Variants in CNTN5 observed in about 807,000 individuals in gnomAD.
The protein encoded by CNTN5 is contactin-5.
A neutral mutation model predicts 129.1 loss-of-function variants in CNTN5; 77 were observed. The ratio of observed to expected loss-of-function variants is 0.60; its 90% confidence interval spans 0.50 to 0.72. CNTN5 has a LOEUF of 0.72. CNTN5 is among the 30% of genes least tolerant of loss of function. CNTN5 has a pLI of 0.00. For missense variants in CNTN5, 1,478 were observed against 1,328.8 expected (o/e 1.11, Z -1.75); for synonymous variants, 509 against 465.6 (o/e 1.09, Z -1.20).
chr11:99,631,845 AC>A (rs897209886), intron 3 of CNTN5, among the ~76,000 whole-genome samples: 3 of 152,170 alleles, frequency 2.0e-5, no homozygotes, highest in Non-Finnish European at 4.4e-5. Flanking sequence ...ACCTGTGGTT[AC>A]TTGTGGTCTG....
intron 6 of CNTN5, among the ~76,000 whole-genome samples, chr11:99,848,915 C>G (rs1417265536): frequency 1.3e-5 from 2 of 152,110 alleles, no homozygotes; most frequent in Middle Eastern, 3.2e-3. Context: ...GACCAGTTCA[C>G]TTTGGTGATT....
chr11:99,693,351 GTT>G (rs1954121030), intron 3 of CNTN5, among the ~76,000 whole-genome samples: 1 of 151,970 alleles, frequency 6.6e-6, no homozygotes, highest in African/African-American at 2.4e-5. Context: ...GGAGCTTAGA[GTT>G]TGTTTTTAAA....
intron 24 of CNTN5, among the ~76,000 whole-genome samples, chr11:100,355,380 T>C (rs1485075691): frequency 6.6e-6 from 1 of 151,716 alleles, no homozygotes; most frequent in Non-Finnish European, 1.5e-5. Context: ...GTGATAATAA[T>C]GCCGCCTTCT....
At chr11:99,932,680 T>C (rs1950219951) in intron 7 of CNTN5, among the ~76,000 whole-genome samples, 1 of 152,186 alleles carries the variant, frequency 6.6e-6, no homozygotes, top group Non-Finnish European at 1.5e-5. Context: ...TGCTGAAAGA[T>C]TTAATGAGAT....
At chr11:99,330,323 T>C (rs573438456) in intron 2 of CNTN5, among the ~76,000 whole-genome samples, 38 of 151,376 alleles carry the variant, frequency 2.5e-4, no homozygotes, top group African/African-American at 9.0e-4. Context: ...AAATATAGAT[T>C]TGGCCTTTGG....
chr11:100,257,393 C>A (rs1047452810), intron 17 of CNTN5, among the ~76,000 whole-genome samples: 5 of 152,186 alleles, frequency 3.3e-5, no homozygotes, highest in African/African-American at 1.2e-4. Context: ...CCTGCCAGCT[C>A]TGAAGAGAGC....
At chr11:99,505,229 T>C (rs555034898) in intron 2 of CNTN5, among the ~76,000 whole-genome samples, 1 of 152,310 alleles carries the variant, frequency 6.6e-6, no homozygotes, top group Admixed American at 6.5e-5. Context: ...ATTGCTTTTA[T>C]ATGGTATCCC....
chr11:99,095,459 G>A (rs1342163895), intron 1 of CNTN5, among the ~76,000 whole-genome samples: 1 of 151,874 alleles, frequency 6.6e-6, no homozygotes, highest in East Asian at 1.9e-4. Flanking sequence ...ATACTTATAT[G>A]GAAGTTACTT....
chr11:100,051,771 G>A (rs532799124), intron 9 of CNTN5, among the ~76,000 whole-genome samples: 1 of 151,754 alleles, frequency 6.6e-6, no homozygotes, highest in South Asian at 2.1e-4. Flanking sequence ...ACATCACTAC[G>A]TCTCTATCCT....
At chr11:100,155,546 A>T (rs941260955) in intron 13 of CNTN5, among the ~76,000 whole-genome samples, 10 of 152,076 alleles carry the variant, frequency 6.6e-5, no homozygotes, top group African/African-American at 2.2e-4. Context: ...GTTTTTTCTA[A>T]TTCTGGGAAG....
At chr11:100,033,639 C>T (rs555208187) in intron 9 of CNTN5, among the ~76,000 whole-genome samples, 1 of 152,236 alleles carries the variant, frequency 6.6e-6, no homozygotes, top group South Asian at 2.1e-4. Flanking sequence ...TCTTTAAATC[C>T]TCACTAAATA....
chr11:100,348,387 G>T (rs1952333270), intron 23 of CNTN5, among the ~76,000 whole-genome samples: 1 of 151,804 alleles, frequency 6.6e-6, no homozygotes, highest in African/African-American at 2.4e-5. Flanking sequence ...GGATATATTG[G>T]CAAAAGGCCA....
At chr11:99,281,386 T>C (rs1381259285) in intron 1 of CNTN5, among the ~76,000 whole-genome samples, 1 of 151,928 alleles carries the variant, frequency 6.6e-6, no homozygotes, top group African/African-American at 2.4e-5. Flanking sequence ...GGGCTCAAAA[T>C]GTAAAAAGGC....
chr11:99,179,796 A>C (rs182403222), intron 1 of CNTN5, among the ~76,000 whole-genome samples: 93 of 152,276 alleles, frequency 6.1e-4, no homozygotes, highest in African/African-American at 2.2e-3. Flanking sequence ...AATGTAGCCA[A>C]ATAAGATTTT....
At chr11:99,990,958 C>T (rs1054806255) in intron 8 of CNTN5, among the ~76,000 whole-genome samples, 1 of 152,120 alleles carries the variant, frequency 6.6e-6, no homozygotes, top group Admixed American at 6.6e-5. Context: ...AGAGCTAGGG[C>T]TGGAGGAGGG....
chr11:100,107,729 A>T (rs996080904), intron 13 of CNTN5, among the ~76,000 whole-genome samples: 1 of 152,086 alleles, frequency 6.6e-6, no homozygotes, highest in African/African-American at 2.4e-5. Context: ...AATTGTTATG[A>T]AAAATTTATG....
chr11:99,736,295 A>C (rs980827166), intron 3 of CNTN5, among the ~76,000 whole-genome samples: 1 of 152,122 alleles, frequency 6.6e-6, no homozygotes, highest in Non-Finnish European at 1.5e-5. Flanking sequence ...CTTACTGTGG[A>C]TTGGCTAATT....
intron 1 of CNTN5, among the ~76,000 whole-genome samples, chr11:99,240,667 T>A (rs1322897837): frequency 6.6e-6 from 1 of 152,182 alleles, no homozygotes; most frequent in East Asian, 1.9e-4. Flanking sequence ...TTATCATTTT[T>A]CTTATGAATT....
rs909670871 is a variant in CNTN5 at position 99,837,685 on chromosome 11, A to T, written c.278-7167A>T. ...TAGCCAGTACTTGCCACACATGAGT[A>T]AAAAAAAAAAAAAAAAAAACCTATC... On this transcript the variant is annotated intron_variant, in intron 4 of 24. Coordinates refer to ENST00000524871, the MANE Select transcript of CNTN5 (RefSeq NM_014361.4). 5.2e-4 allele frequency among the ~76,000 whole-genome samples: 23 copies of T among 43,882 alleles called. No homozygotes were observed. The East Asian group carries it at 8.8e-3, about 17-fold the overall frequency. 28.8% of individuals were successfully genotyped at this position (43,882 alleles called of 152,430 possible).
Sources: allele counts gnomAD v4.1 joint callset (sites outside exome capture counted in the v4.1 genomes callset), GRCh38; gene constraint gnomAD v4.1.1; transcripts MANE v1.5; gene names NCBI Gene and HGNC (gene_info 2026-07-23, HGNC 2026-07-21).